PTPN14: variants seen among roughly 807,000 people sequenced by gnomAD.
The protein encoded by PTPN14 is tyrosine-protein phosphatase non-receptor type 14.
In PTPN14, 53 loss-of-function variants were observed where a neutral mutation model predicts 126.8. The observed-to-expected ratio is 0.42, with a 90% CI of 0.34 to 0.53. PTPN14 has a LOEUF of 0.53. Among genes scored for constraint, PTPN14 ranks in the 20% least tolerant of loss-of-function variants. The pLI is 0.08. For missense variants in PTPN14, 1,257 were observed against 1,552.9 expected, an observed-to-expected ratio of 0.81 and a Z score of 3.20; for synonymous variants, 630 against 599.3, an observed-to-expected ratio of 1.05 and a Z score of -0.75.
chr1:214,414,556 A>G, intron 4 of PTPN14, 73 bp downstream of exon 4: 1 of 1,333,692 alleles, frequency 7.5e-7, no homozygotes, highest in Non-Finnish European at 1.1e-6. Context: ...CTAACTTCTC[A>G]CTCTGAGAGG....
chr1:214,462,742 A>C (rs1232867543), intron 2 of PTPN14, among the ~76,000 whole-genome samples: 1 of 152,082 alleles, frequency 6.6e-6, no homozygotes, highest in East Asian at 1.9e-4. Context: ...GGACTCCCCT[A>C]TTGTTCTGTG....
chr1:214,382,632 C>T (rs1306250125), intron 13 of PTPN14, among the ~76,000 whole-genome samples: 1 of 152,174 alleles, frequency 6.6e-6, no homozygotes, highest in Non-Finnish European at 1.5e-5. Context: ...ATACCTGGCT[C>T]TGTACATATT....
chr1:214,532,937 C>A, intron 1 of PTPN14: 2 of 805,610 alleles, frequency 2.5e-6, no homozygotes, highest in Non-Finnish European at 4.4e-6. Context: ...GACATCTGGG[C>A]CCAATATGAC....
intron 1 of PTPN14, among the ~76,000 whole-genome samples, chr1:214,544,233 C>T (rs1444804556): frequency 6.6e-6 from 1 of 152,098 alleles, no homozygotes; most frequent in Non-Finnish European, 1.5e-5. Flanking sequence ...CAGGACCAGC[C>T]TGGGTTTGAA....
intron 1 of PTPN14, chr1:214,532,859 T>A: frequency 9.7e-7 from 1 of 1,033,866 alleles, no homozygotes; most frequent in Non-Finnish European, 1.5e-6. Flanking sequence ...CAAGCCCAGA[T>A]TGCCAGCTCT....
intron 16 of PTPN14, 60 bp downstream of exon 16, chr1:214,372,651 C>T: frequency 5.0e-6 from 8 of 1,611,458 alleles, no homozygotes; most frequent in Non-Finnish European, 6.8e-6. Flanking sequence ...GCACAAAGCC[C>T]ATCTTCTGGC....
chr1:214,368,452 C>T (rs1330001702), intron 17 of PTPN14, among the ~76,000 whole-genome samples: 2 of 152,106 alleles, frequency 1.3e-5, no homozygotes, highest in African/African-American at 2.4e-5. Context: ...CCGCCCACCT[C>T]GGCCTCCCAA....
chr1:214,522,635 A>G (rs1466843904), intron 1 of PTPN14, among the ~76,000 whole-genome samples: 1 of 152,230 alleles, frequency 6.6e-6, no homozygotes, highest in Non-Finnish European at 1.5e-5. Flanking sequence ...TTGAGCCTAC[A>G]CCAAATGGTG....
In PTPN14 at chr1:214,361,055, C is replaced by A. The variant is rs188849618; in HGVS notation, c.3436-3005G>T. 2.3e-4 allele frequency among the ~76,000 whole-genome samples: 35 copies of A among 152,264 alleles called. No individual in the cohort carries two copies. In the East Asian group the frequency reaches 6.4e-3, roughly 28 times the overall value. On this transcript the variant is annotated intron_variant, in intron 18 of 18. Coordinates refer to ENST00000366956, the MANE Select transcript of PTPN14 (RefSeq NM_005401.5). ...CACCATGATTGTAAGTTTCCTGAGG[C>A]CTCCCAGCCATGCTTCCTGTACAGC... is the stretch of plus-strand genomic sequence containing the variant.
chr1:214,386,751 G>T (rs1359697740), intron 12 of PTPN14, 93 bp downstream of exon 12: 8 of 1,253,356 alleles, frequency 6.4e-6, no homozygotes, highest in Middle Eastern at 1.9e-4. Context: ...TGAAAAGAAA[G>T]CATCCCTGTC....
At chr1:214,505,282 A>G (rs4131076) in intron 1 of PTPN14, among the ~76,000 whole-genome samples, 1,705 of 152,252 alleles carry the variant, frequency 0.011, 27 homozygotes, top group Non-Finnish European at 0.014. Flanking sequence ...ACCTTCAACA[A>G]ACAGTGAAAG....
chr1:214,499,819 T>C (rs181109492), intron 1 of PTPN14, among the ~76,000 whole-genome samples: 1 of 150,880 alleles, frequency 6.6e-6, no homozygotes, highest in Non-Finnish European at 1.5e-5. Context: ...AAAAAGAAAA[T>C]AATACTCAGT....
intron 1 of PTPN14, among the ~76,000 whole-genome samples, chr1:214,546,260 C>T (rs868254534): frequency 6.6e-6 from 1 of 152,180 alleles, no homozygotes; most frequent in African/African-American, 2.4e-5. Flanking sequence ...GCATGGGGAA[C>T]GGCAACCTTT....
At chr1:214,419,103 C>T (rs1249277297) in intron 3 of PTPN14, among the ~76,000 whole-genome samples, 3 of 152,132 alleles carry the variant, frequency 2.0e-5, no homozygotes, top group African/African-American at 4.8e-5. Flanking sequence ...TCTATATTAT[C>T]GATCATAAAA....
At position 214,390,920 on chromosome 1, in the gene PTPN14, C is replaced by G. The variant is rs1658735037; in HGVS notation, c.987+68G>C. 2.3e-6 allele frequency: 3 copies of G among 1,292,144 alleles called. No homozygotes were observed. The East Asian group carries it at 7.4e-5, about 32-fold the overall frequency. The allele number at this position is 1,292,144 out of a possible 1,614,324, so 80.0% of individuals were successfully genotyped here. On this transcript the variant is annotated intron_variant, in intron 11 of 18. Transcript: ENST00000366956. ...CATCATGATGCCCTCATCATCCCCC[C>G]ACCTCAAATTAATAACAAAGAATGC...
chr1:214,434,730 A>C (rs1235616451), intron 3 of PTPN14, among the ~76,000 whole-genome samples: 1 of 152,150 alleles, frequency 6.6e-6, no homozygotes, highest in East Asian at 1.9e-4. Context: ...GAGGACCCAG[A>C]GAAAAGGTGG....
At chr1:214,471,444 T>C (rs778311694) in intron 1 of PTPN14, among the ~76,000 whole-genome samples, 7 of 152,078 alleles carry the variant, frequency 4.6e-5, no homozygotes, top group Non-Finnish European at 8.8e-5. Flanking sequence ...CCCTACCTAT[T>C]TGTGAGAAGT....
intron 1 of PTPN14, among the ~76,000 whole-genome samples, chr1:214,507,995 GA>G (rs993373745): frequency 4.6e-4 from 67 of 145,106 alleles, no homozygotes; most frequent in African/African-American, 9.6e-4. Context: ...CTATCTCTAA[GA>G]AAAAAAAAAA....
At chr1:214,419,750 G>A (rs866292959) in intron 3 of PTPN14, among the ~76,000 whole-genome samples, 1 of 152,152 alleles carries the variant, frequency 6.6e-6, no homozygotes, top group Non-Finnish European at 1.5e-5. Context: ...GAGCAAAGGG[G>A]AATAATTTAA....
Sources: gnomAD v4.1 joint callset for allele counts (sites outside exome capture counted in the v4.1 genomes callset) on GRCh38, gnomAD v4.1.1 for gene constraint, MANE v1.5 for transcripts, NCBI Gene and HGNC (gene_info 2026-07-23, HGNC 2026-07-21) for gene names.